The following SMURF2 variants were observed in gnomAD, a reference collection of about 807,000 sequenced individuals.
SMURF2 encodes E3 ubiquitin-protein ligase SMURF2.
In SMURF2, 48 loss-of-function variants were observed where a neutral mutation model predicts 109.6. The observed-to-expected ratio is 0.44, with a 90% CI of 0.35 to 0.56. SMURF2 has a LOEUF of 0.56. SMURF2 is among the 20% of genes least tolerant of loss of function. The probability of loss-of-function intolerance (pLI) is 0.01; values close to 1 mark genes in which losing one functional copy is unlikely to be tolerated. For missense variants in SMURF2, 575 were observed against 909.0 expected (o/e 0.63, Z 4.72); for synonymous variants, 288 against 317.1 (o/e 0.91, Z 0.97).
rs1469995410 is a variant in SMURF2 at position 64,566,576 on chromosome 17, T to G, written c.1017-3610A>C. 1.6e-3 allele frequency among the ~76,000 whole-genome samples: 172 copies of G among 105,516 alleles called. 9 individuals are homozygous for G. The highest frequency in any genetic ancestry group is 5.4e-3 in the African/African-American group (160 of 29,392). 69.2% of individuals were successfully genotyped at this position (105,516 alleles called of 152,430 possible). A position where few individuals can be genotyped will look rare whatever the true frequency, so the allele number is the denominator to read the frequency against. On this transcript the variant is annotated intron_variant, in intron 10 of 18. Transcript: ENST00000262435. ...AAGCTTTCTGGTTTTTTTTTTTTTT[T>G]TTTTTTTTTTTTTTTGAGACAGTCT... is the stretch of plus-strand genomic sequence containing the variant.
intron 1 of SMURF2, among the ~76,000 whole-genome samples, chr17:64,661,505 C>T (rs1234383698): frequency 6.6e-6 from 1 of 152,128 alleles, no homozygotes; most frequent in East Asian, 1.9e-4. Flanking sequence ...GGCGGTAGCC[C>T]AGGGGCTGTT....
intron 16 of SMURF2, among the ~76,000 whole-genome samples, chr17:64,550,566 G>A (rs1555683509): frequency 1.3e-5 from 2 of 152,086 alleles, no homozygotes; most frequent in African/African-American, 4.8e-5. Flanking sequence ...GATTATTTGA[G>A]GTCAGGAGTC....
At position 64,566,561 on chromosome 17, in the gene SMURF2, G is replaced by GTTTTTTTTTTTTTT; in HGVS notation, c.1017-3609_1017-3596dup. On this transcript the variant is annotated intron_variant, in intron 10 of 18. Transcript: ENST00000262435. ...GATGTAGAAATGCTTAAGCTTTCTG[G>GTTTTTTTTTTTTTT]TTTTTTTTTTTTTTTTTTTTTTTTT... Among the ~76,000 whole-genome samples, 421 of 43,780 alleles carry GTTTTTTTTTTTTTT rather than the reference G, an allele frequency of 9.6e-3. 126 individuals are homozygous for GTTTTTTTTTTTTTT. The highest frequency in any genetic ancestry group is 0.021 in the East Asian group (23 of 1,118). 28.7% of individuals were successfully genotyped at this position (43,780 alleles called of 152,430 possible). A position where few individuals can be genotyped will look rare whatever the true frequency, so the allele number is the denominator to read the frequency against.
intron 1 of SMURF2, among the ~76,000 whole-genome samples, chr17:64,607,996 CATAAATAAATAAATAAATAAATAAATAA>C (rs55747507): frequency 7.4e-6 from 1 of 135,642 alleles, no homozygotes; most frequent in African/African-American, 2.8e-5. Context: ...AAGACTCTGT[CATAAATAAATAAATAAATAAATAAATAA>C]ATAAATAAAT....
chr17:64,568,955 T>C (rs369416182), intron 10 of SMURF2, among the ~76,000 whole-genome samples: 17 of 151,190 alleles, frequency 1.1e-4, no homozygotes, highest in African/African-American at 3.9e-4. Context: ...TGAGCTGAGA[T>C]AGCACCACTG....
In SMURF2 at chr17:64,562,826, T is replaced by C. The variant is rs782595062; in HGVS notation, c.1157A>G (p.Gln386Arg). 6.2e-7 allele frequency: 1 copy of C among 1,614,188 alleles called. No homozygotes were observed. Among genetic ancestry groups the C allele is most frequent in the Non-Finnish European group, 8.5e-7 (1 of 1,180,034 alleles). The stretch of plus-strand genomic sequence containing the variant: ...GCGGCAATGACCTGCCTGAGGCTGT[T>C]GTTGGGAAAGTTCTTGCCGCAAAAT... ...LKILRQELSQQQPQAGHCRIE... is the reference protein window; with the variant it reads ...LKILRQELSQRQPQAGHCRIE... The change falls in exon 11 of 19, where the codon CAA becomes CGA. Residue 386 changes from glutamine (Q) to arginine (R), a missense_variant. Gln to Arg is a conservative substitution (Grantham distance 43). Transcript: ENST00000262435.
In SMURF2 at chr17:64,644,153, G is replaced by A. The variant is rs184158000; in HGVS notation, c.52+17676C>T. On this transcript the variant is annotated intron_variant, in intron 1 of 18. Transcript: ENST00000262435. Reference sequence around the variant, plus strand: ...CCCAAGTAGTTGGGACTACAGGTACGCACCACACACCAGGCTAATTTTTGC... The same window carrying A: ...CCCAAGTAGTTGGGACTACAGGTACACACCACACACCAGGCTAATTTTTGC... Among the ~76,000 whole-genome samples the A allele has an allele frequency of 4.6e-5, 7 of 152,126 alleles. No homozygotes were observed. The East Asian group carries it at 7.8e-4, about 17-fold the overall frequency.
Position 64,551,836 on chromosome 17 carries a change from C to A in SMURF2, c.1749-132G>T, listed in dbSNP as rs1017116518. On this transcript the variant is annotated intron_variant, in intron 15 of 18. Transcript: ENST00000262435. ...ATTAACGGTTTAGCCTCAAGTCTAA[C>A]AATAAATCTCAGACTAATGGGGATA... 40 of 1,123,034 alleles carry A rather than the reference C, an allele frequency of 3.6e-5. 1 individual carries two copies. In the Admixed American group the frequency reaches 5.8e-4, roughly 16 times the overall value. 69.6% of individuals were successfully genotyped at this position (1,123,034 alleles called of 1,614,324 possible).
Position 64,545,721 on chromosome 17 carries a change from A to G in SMURF2, c.*127T>C. 4.4e-6 allele frequency: 1 copy of G among 226,484 alleles called. No homozygotes were observed. The highest frequency in any genetic ancestry group is 7.7e-6 in the Non-Finnish European group (1 of 129,540). 14.0% of individuals were successfully genotyped at this position (226,484 alleles called of 1,614,324 possible). ...CCTCACAGTGTCCTAAAATGTAAAA[A>G]AAAAAAAAAAAAGGGGGGGGGGGGG... On this transcript the variant is annotated 3_prime_UTR_variant, in exon 19 of 19. Coordinates refer to ENST00000262435, the MANE Select transcript of SMURF2 (RefSeq NM_022739.4).
At chr17:64,589,354 T>A (rs1969716448) in intron 5 of SMURF2, among the ~76,000 whole-genome samples, 2 of 152,040 alleles carry the variant, frequency 1.3e-5, no homozygotes, top group Non-Finnish European at 2.9e-5. Context: ...AAGGAACACT[T>A]ACATGTGAAA....
At position 64,648,058 on chromosome 17, in the gene SMURF2, T is replaced by TAAAAAA. The variant is rs56131846; in HGVS notation, c.52+13765_52+13770dup. 3.4e-4 allele frequency among the ~76,000 whole-genome samples: 6 copies of TAAAAAA among 17,686 alleles called. 1 individual carries two copies. The highest frequency in any genetic ancestry group is 5.5e-4 in the Non-Finnish European group (5 of 9,156). The allele number at this position is 17,686 out of a possible 152,430, so 11.6% of individuals were successfully genotyped here. ...GGCAACACAGTGAGACCCTATCTCTTAAAAAAAAAAAAAAAAAAAAAAAAA... is the reference window on the plus strand; with the variant it reads ...GGCAACACAGTGAGACCCTATCTCTTAAAAAAAAAAAAAAAAAAAAAAAAAAAAAAA... On this transcript the variant is annotated intron_variant, in intron 1 of 18. Coordinates refer to ENST00000262435, the MANE Select transcript of SMURF2 (RefSeq NM_022739.4).
intron 1 of SMURF2, among the ~76,000 whole-genome samples, chr17:64,633,833 A>C (rs1970379024): frequency 6.6e-6 from 1 of 150,850 alleles, no homozygotes; most frequent in Admixed American, 6.6e-5. Context: ...AGAGTTTTAT[A>C]CTCTCCATAC....
intron 1 of SMURF2, among the ~76,000 whole-genome samples, chr17:64,637,107 G>A (rs1022724824): frequency 1.3e-5 from 2 of 151,294 alleles, no homozygotes; most frequent in Admixed American, 1.3e-4. Flanking sequence ...CCAATCCAAA[G>A]TCTTGTGTTT....
At chr17:64,652,485 A>ATTTG (rs72302632) in intron 1 of SMURF2, among the ~76,000 whole-genome samples, 3 of 152,030 alleles carry the variant, frequency 2.0e-5, no homozygotes, top group East Asian at 1.9e-4. Flanking sequence ...CTGTCAACTG[A>ATTTG]TTTGTTTGTT....
At chr17:64,621,985 T>A (rs963192536) in intron 1 of SMURF2, among the ~76,000 whole-genome samples, 90 of 132,060 alleles carry the variant, frequency 6.8e-4, no homozygotes, top group Non-Finnish European at 9.7e-4. Context: ...ATAATAATAA[T>A]AAAAAAAAGC....
At chr17:64,546,898 C>G (rs1190554721) in intron 17 of SMURF2, among the ~76,000 whole-genome samples, 3 of 152,228 alleles carry the variant, frequency 2.0e-5, no homozygotes, top group African/African-American at 7.2e-5. Context: ...ACGCTCTCCC[C>G]CCAGGGATTT....
intron 1 of SMURF2, among the ~76,000 whole-genome samples, chr17:64,627,868 A>G (rs1186333520): frequency 6.6e-6 from 1 of 152,204 alleles, no homozygotes; most frequent in Admixed American, 6.5e-5. Context: ...ACAGTTCATG[A>G]TCTTTTGGCT....
At chr17:64,607,623 C>CA (rs59894966) in intron 1 of SMURF2, among the ~76,000 whole-genome samples, 20,656 of 99,548 alleles carry the variant, frequency 0.21, 2,630 homozygotes, top group African/African-American at 0.42. Flanking sequence ...AAGACTGTCT[C>CA]AAAAAAAAAA....
At chr17:64,649,830 C>T (rs1406456147) in intron 1 of SMURF2, among the ~76,000 whole-genome samples, 10 of 151,798 alleles carry the variant, frequency 6.6e-5, no homozygotes, top group Admixed American at 5.9e-4. Context: ...AGTGACAGAG[C>T]GAGACACCAT....
Sources: gnomAD v4.1 joint callset for allele counts (sites outside exome capture counted in the v4.1 genomes callset) on GRCh38, gnomAD v4.1.1 for gene constraint, MANE v1.5 for transcripts, NCBI Gene and HGNC (gene_info 2026-07-23, HGNC 2026-07-21) for gene names.